LRRTM4: variants seen among roughly 807,000 people sequenced by gnomAD.
LRRTM4 encodes the protein leucine-rich repeat transmembrane neuronal protein 4.
In LRRTM4, 25 loss-of-function variants were observed where a neutral mutation model predicts 47.6. That is an observed-to-expected ratio of 0.53 (90% CI 0.38 to 0.73). The LOEUF is 0.73. LRRTM4 is among the 30% of genes least tolerant of loss of function. LRRTM4 has a pLI of 0.00. For missense variants in LRRTM4, 638 were observed against 713.4 expected (o/e 0.89, Z 1.20); for synonymous variants, 311 against 269.5 (o/e 1.15, Z -1.51).
intron 3 of LRRTM4, among the ~76,000 whole-genome samples, chr2:77,099,115 A>G (rs1461952849): frequency 1.3e-5 from 2 of 152,014 alleles, no homozygotes; most frequent in Admixed American, 6.6e-5. Flanking sequence ...CCTTTTAGCT[A>G]TAGAAATTTT....
chr2:77,021,114 C>CTATCTATG (rs1553445901), intron 3 of LRRTM4, among the ~76,000 whole-genome samples: 1 of 151,620 alleles, frequency 6.6e-6, no homozygotes. Context: ...ATCTATGTAT[C>CTATCTATG]TATCTATCTA....
At chr2:77,437,416 C>A (rs1005797997) in intron 3 of LRRTM4, among the ~76,000 whole-genome samples, 9 of 151,968 alleles carry the variant, frequency 5.9e-5, no homozygotes, top group Non-Finnish European at 1.2e-4. Context: ...ACCCCACTGA[C>A]TTTTTAAGCC....
In LRRTM4 at chr2:77,518,327, C is replaced by T. The variant is rs1679307097; in HGVS notation, c.1542G>A (p.Arg514=). 1 of 1,605,042 alleles carries T rather than the reference C, an allele frequency of 6.2e-7. No homozygotes were observed. Among genetic ancestry groups the T allele is most frequent in the Non-Finnish European group, 8.5e-7 (1 of 1,175,610 alleles). Residue 514 remains arginine (R), a synonymous_variant, in exon 3 of 4, where the codon AGG becomes AGA. Transcript: ENST00000409884. The part of the protein sequence containing the change: ...GPCTYTISGS[R]ECEMPHHMKP... ...GGATCATGGTTCATACCTCACATTC[C>T]CTGGAGCCAGAGATGGTATATGTGC...
At chr2:77,287,062 T>C (rs1676684327) in intron 3 of LRRTM4, among the ~76,000 whole-genome samples, 1 of 152,082 alleles carries the variant, frequency 6.6e-6, no homozygotes, top group Admixed American at 6.6e-5. Flanking sequence ...TATAAAATAA[T>C]GATACGTTCG....
chr2:77,125,770 T>C (rs1353633565), intron 3 of LRRTM4, among the ~76,000 whole-genome samples: 2 of 152,016 alleles, frequency 1.3e-5, no homozygotes, highest in African/African-American at 4.8e-5. Flanking sequence ...TTTATTGAAT[T>C]TGAAAAACAG....
At chr2:77,467,652 ATTAG>A (rs1438589765) in intron 3 of LRRTM4, among the ~76,000 whole-genome samples, 2 of 152,214 alleles carry the variant, frequency 1.3e-5, no homozygotes, top group African/African-American at 4.8e-5. Flanking sequence ...ACAGCAGTTT[ATTAG>A]TTAGAGTGAG....
chr2:77,193,669 G>T (rs1318724477), intron 3 of LRRTM4, among the ~76,000 whole-genome samples: 1 of 152,076 alleles, frequency 6.6e-6, no homozygotes, highest in Non-Finnish European at 1.5e-5. Flanking sequence ...AATTAGCCGG[G>T]CATGGTGGCA....
intron 3 of LRRTM4, among the ~76,000 whole-genome samples, chr2:77,034,068 G>A (rs999742035): frequency 8.6e-5 from 13 of 151,366 alleles, no homozygotes; most frequent in African/African-American, 3.2e-4. Context: ...TTCTGTTATG[G>A]CAAATAATTA....
At chr2:77,199,498 CTGTTT>C (rs554428745) in intron 3 of LRRTM4, among the ~76,000 whole-genome samples, 5 of 151,940 alleles carry the variant, frequency 3.3e-5, no homozygotes, top group East Asian at 1.9e-4. Context: ...TCATTTTTCT[CTGTTT>C]TGTTTTGTTT....
At chr2:77,040,152 A>C (rs1399002469) in intron 3 of LRRTM4, among the ~76,000 whole-genome samples, 1 of 151,256 alleles carries the variant, frequency 6.6e-6, no homozygotes, top group Non-Finnish European at 1.5e-5. Context: ...GAATCCATAT[A>C]AAACTATTGA....
chr2:77,326,835 C>G (rs1670795278), intron 3 of LRRTM4, among the ~76,000 whole-genome samples: 1 of 152,194 alleles, frequency 6.6e-6, no homozygotes, highest in African/African-American at 2.4e-5. Context: ...ACTTTCCCTT[C>G]CTCTGTTGCC....
chr2:76,837,072 G>A (rs2103917127), intron 3 of LRRTM4, among the ~76,000 whole-genome samples: 2 of 152,226 alleles, frequency 1.3e-5, no homozygotes, highest in East Asian at 3.9e-4. Flanking sequence ...CCTGTTATTG[G>A]TCTATTCAGA....
chr2:77,003,151 G>A (rs926977504), intron 3 of LRRTM4, among the ~76,000 whole-genome samples: 3 of 148,612 alleles, frequency 2.0e-5, no homozygotes, highest in Non-Finnish European at 3.0e-5. Flanking sequence ...CCCTTATTCT[G>A]TAACTTCAGC....
chr2:76,818,009 C>G (rs978383429), intron 3 of LRRTM4, among the ~76,000 whole-genome samples: 1 of 151,728 alleles, frequency 6.6e-6, no homozygotes, highest in African/African-American at 2.4e-5. Context: ...AATAAAAATC[C>G]AGTTCAAGTT....
intron 3 of LRRTM4, among the ~76,000 whole-genome samples, chr2:77,234,588 T>C (rs1260070463): frequency 6.6e-6 from 1 of 152,210 alleles, no homozygotes; most frequent in African/African-American, 2.4e-5. Flanking sequence ...CTCAGATTTA[T>C]AGGATCATTT....
At chr2:77,073,044 GCAGA>G (rs1310117037) in intron 3 of LRRTM4, among the ~76,000 whole-genome samples, 3 of 152,076 alleles carry the variant, frequency 2.0e-5, no homozygotes, top group African/African-American at 7.2e-5. Flanking sequence ...CTTTCAGCAT[GCAGA>G]ATATCAATCT....
chr2:77,108,323 G>A (rs1392759049), intron 3 of LRRTM4, among the ~76,000 whole-genome samples: 4 of 151,824 alleles, frequency 2.6e-5, no homozygotes, highest in South Asian at 2.1e-4. Context: ...GAAGGAGAAC[G>A]AGAACAAGAA....
rs74698091 is a variant in LRRTM4, at chr2:77,339,658, C to T, written c.1551+178660G>A. Among the ~76,000 whole-genome samples, 513 of 152,072 alleles carry T rather than the reference C, an allele frequency of 3.4e-3. 4 individuals carry two copies. The highest frequency in any genetic ancestry group is 0.012 in the African/African-American group (486 of 41,498). ...CCAGAGTCTTAGTCCTTAAATCCCC[C>T]GACTGTATTACACTGATTCCCTCTC... On this transcript the variant is annotated intron_variant, in intron 3 of 3. Coordinates refer to ENST00000409884, the MANE Select transcript of LRRTM4 (RefSeq NM_001134745.3).
chr2:77,303,835 G>A (rs575689032), intron 3 of LRRTM4, among the ~76,000 whole-genome samples: 55 of 151,980 alleles, frequency 3.6e-4, no homozygotes, highest in Non-Finnish European at 6.2e-4. Flanking sequence ...TATATATCAC[G>A]TTATCTTTAT....
Sources: gnomAD v4.1 joint callset for allele counts (sites outside exome capture counted in the v4.1 genomes callset) on GRCh38, gnomAD v4.1.1 for gene constraint, MANE v1.5 for transcripts, NCBI Gene and HGNC (gene_info 2026-07-23, HGNC 2026-07-21) for gene names.